SUGCT: variants seen among roughly 807,000 people sequenced by gnomAD.
SUGCT encodes the protein succinyl-CoA:glutarate-CoA transferase, also known as succinyl-CoA:glutarate CoA-transferase.
Under a neutral mutation model 55.0 loss-of-function variants are expected in SUGCT, and 41 were observed. That is an observed-to-expected ratio of 0.74 (90% CI 0.58 to 0.97). The LOEUF (loss-of-function observed/expected upper bound fraction) is 0.97. Ranked by LOEUF, SUGCT falls within the 50% of genes least tolerant of loss-of-function variation. The pLI is 0.00. For missense variants in SUGCT, 568 were observed against 547.8 expected (o/e 1.04, Z -0.37); for synonymous variants, 187 against 200.4 (o/e 0.93, Z 0.56).
intron 13 of SUGCT, among the ~76,000 whole-genome samples, chr7:40,766,098 C>T (rs12538533): frequency 0.55 from 83,403 of 152,044 alleles, 24,564 homozygotes; most frequent in Admixed American, 0.71. Context: ...TGAATTCCAA[C>T]ATAATATAGT....
At chr7:40,385,217 G>GA (rs1361125584) in intron 9 of SUGCT, among the ~76,000 whole-genome samples, 2 of 152,130 alleles carry the variant, frequency 1.3e-5, no homozygotes, top group African/African-American at 4.8e-5. Flanking sequence ...GGGGTGAAGA[G>GA]AAAAGGAGGA....
At chr7:40,290,031 C>G (rs1336238500) in intron 8 of SUGCT, among the ~76,000 whole-genome samples, 1 of 152,076 alleles carries the variant, frequency 6.6e-6, no homozygotes, top group African/African-American at 2.4e-5. Context: ...GAAGAACATT[C>G]CACGCTCATG....
chr7:40,439,064 G>GTGTGTATATATA (rs1283539157), intron 9 of SUGCT, among the ~76,000 whole-genome samples: 3 of 27,194 alleles, frequency 1.1e-4, no homozygotes, highest in African/African-American at 1.6e-4. Context: ...TATATATGGT[G>GTGTGTATATATA]TATATATATA....
chr7:40,950,979 G>C, the SUGCT span, among the ~76,000 whole-genome samples: 1 of 126,824 alleles, frequency 7.9e-6, no homozygotes, highest in Admixed American at 9.0e-5. Flanking sequence ...CTCATAAAAT[G>C]AGTTAGGAAG....
intron 7 of SUGCT, among the ~76,000 whole-genome samples, chr7:40,250,771 G>T (rs1352620303): frequency 6.7e-6 from 1 of 150,362 alleles, no homozygotes; most frequent in Non-Finnish European, 1.5e-5. Flanking sequence ...AAAAGATCCT[G>T]TGGGGGTTGA....
chr7:40,205,170 G>A (rs1393569047), intron 6 of SUGCT, among the ~76,000 whole-genome samples: 2 of 150,364 alleles, frequency 1.3e-5, no homozygotes, highest in African/African-American at 4.9e-5. Flanking sequence ...CAGGAGAATC[G>A]CTTGAACCCA....
At chr7:40,543,911 A>G (rs1794840525) in intron 12 of SUGCT, among the ~76,000 whole-genome samples, 2 of 152,322 alleles carry the variant, frequency 1.3e-5, no homozygotes, top group Middle Eastern at 3.4e-3. Flanking sequence ...ATCACTGCCA[A>G]CATTTATTGA....
intron 12 of SUGCT, among the ~76,000 whole-genome samples, chr7:40,729,181 G>C (rs1786764260): frequency 6.6e-6 from 1 of 152,170 alleles, no homozygotes; most frequent in South Asian, 2.1e-4. Context: ...AAATTTATTA[G>C]TGCTTGCTGC....
intron 1 of SUGCT, among the ~76,000 whole-genome samples, chr7:40,139,315 G>C (rs1787866002): frequency 6.6e-6 from 1 of 152,038 alleles, no homozygotes; most frequent in South Asian, 2.1e-4. Context: ...TTCTGCATCA[G>C]CCTCCACAGT....
chr7:40,485,942 C>G (rs1260891052), intron 11 of SUGCT, among the ~76,000 whole-genome samples: 1 of 152,134 alleles, frequency 6.6e-6, no homozygotes, highest in Non-Finnish European at 1.5e-5. Context: ...ACTTTTGCAT[C>G]TATGGTCATC....
intron 9 of SUGCT, among the ~76,000 whole-genome samples, chr7:40,403,793 T>A (rs981291930): frequency 6.6e-6 from 1 of 152,238 alleles, no homozygotes; most frequent in Non-Finnish European, 1.5e-5. Context: ...AAGCATGTTT[T>A]CATGTTTTCT....
intron 11 of SUGCT, among the ~76,000 whole-genome samples, chr7:40,476,339 G>A (rs1294504808): frequency 2.0e-5 from 3 of 152,022 alleles, no homozygotes; most frequent in Admixed American, 6.6e-5. Context: ...AGTTAGTGGA[G>A]CACCACATAC....
chr7:40,418,488 C>T (rs1443604950), intron 9 of SUGCT, among the ~76,000 whole-genome samples: 2 of 152,188 alleles, frequency 1.3e-5, no homozygotes, highest in African/African-American at 2.4e-5. Flanking sequence ...ATGGCTGAGT[C>T]TTTCCTTTTC....
intron 13 of SUGCT, among the ~76,000 whole-genome samples, chr7:40,804,749 C>T (rs1791002134): frequency 6.6e-6 from 1 of 152,100 alleles, no homozygotes; most frequent in South Asian, 2.1e-4. Flanking sequence ...ACCTAAATTG[C>T]CATAATAAAA....
chr7:40,835,487 A>G (rs1197916153), intron 13 of SUGCT, among the ~76,000 whole-genome samples: 1 of 152,188 alleles, frequency 6.6e-6, no homozygotes. Flanking sequence ...TACAGAAATT[A>G]AGTTCTGCTA....
At chr7:40,367,461 T>C (rs972345376) in intron 9 of SUGCT, among the ~76,000 whole-genome samples, 12 of 144,630 alleles carry the variant, frequency 8.3e-5, no homozygotes, top group Non-Finnish European at 1.5e-4. Flanking sequence ...AAAAAAAAAA[T>C]AAAATAAAAT....
chr7:40,185,078 C>T (rs1785424723), intron 3 of SUGCT, among the ~76,000 whole-genome samples: 2 of 152,174 alleles, frequency 1.3e-5, no homozygotes, highest in Non-Finnish European at 2.9e-5. Flanking sequence ...AAGTGCCTGG[C>T]AAGTCCTGCT....
chr7:40,767,252 G>T (rs539897078), intron 13 of SUGCT, among the ~76,000 whole-genome samples: 1 of 152,266 alleles, frequency 6.6e-6, no homozygotes, highest in African/African-American at 2.4e-5. Context: ...TCTCAAAAGG[G>T]TGTAATATTA....
chr7:40,867,389 CTT>C, the SUGCT span, among the ~76,000 whole-genome samples: 1 of 151,544 alleles, frequency 6.6e-6, no homozygotes, highest in Non-Finnish European at 1.5e-5. Context: ...GAGAGCATCT[CTT>C]ATAAGCTTAT....
Sources: gnomAD v4.1 joint callset for allele counts (sites outside exome capture counted in the v4.1 genomes callset) on GRCh38, gnomAD v4.1.1 for gene constraint, MANE v1.5 for transcripts, NCBI Gene and HGNC (gene_info 2026-07-23, HGNC 2026-07-21) for gene names.